Variants in SPON1 observed in about 807,000 individuals in gnomAD.
The protein encoded by SPON1 is spondin-1.
SPON1 carries 52 observed loss-of-function variants against 111.7 expected under a neutral mutation model. The ratio of observed to expected loss-of-function variants is 0.47; its 90% CI spans 0.37 to 0.59. The LOEUF is 0.59. SPON1 is among the 20% of genes least tolerant of loss of function. The pLI is 0.00. For synonymous variants in SPON1, 410 were observed against 395.8 expected, an observed-to-expected ratio of 1.04 and a Z score of -0.43; for missense variants, 957 against 1,068.5, an observed-to-expected ratio of 0.90 and a Z score of 1.46.
rs189824849 is a variant in SPON1 at position 14,174,821 on chromosome 11, A to C, written c.825+39253A>C. ...CTTTTAATTAAGCTGATTTTTAATC[A>C]TAGTGCTCTCTAAAAAAGAAATCCT... On this transcript the variant is annotated intron_variant, in intron 6 of 15. Coordinates refer to ENST00000576479, the MANE Select transcript of SPON1 (RefSeq NM_006108.4). 7.3e-4 allele frequency among the ~76,000 whole-genome samples: 111 copies of C among 152,248 alleles called. 1 individual carries two copies. The Middle Eastern group carries it at 0.01, about 14-fold the overall frequency.
chr11:14,256,487 G>A (rs929983730), intron 9 of SPON1, 130 bp from the exon 10 acceptor site: 2 of 605,228 alleles, frequency 3.3e-6, no homozygotes, highest in African/African-American at 1.9e-5. Flanking sequence ...GTAAATGTTG[G>A]TCCAGAACTT....
chr11:14,177,477 A>G (rs1388401368), intron 6 of SPON1, among the ~76,000 whole-genome samples: 1 of 152,136 alleles, frequency 6.6e-6, no homozygotes, highest in Non-Finnish European at 1.5e-5. Flanking sequence ...CACAAGATCA[A>G]TGAGCCAGTT....
intron 6 of SPON1, among the ~76,000 whole-genome samples, chr11:14,179,796 T>TAA (rs576906977): frequency 2.0e-5 from 3 of 148,608 alleles, no homozygotes; most frequent in African/African-American, 7.4e-5. Context: ...CAGTAGCACT[T>TAA]AAAAAAAAAA....
chr11:14,200,224 C>T (rs1848447349), intron 6 of SPON1, among the ~76,000 whole-genome samples: 1 of 152,098 alleles, frequency 6.6e-6, no homozygotes, highest in Non-Finnish European at 1.5e-5. Context: ...TATAGCTTGT[C>T]TTGTGTGCTA....
rs187759210 is a variant in SPON1, at chr11:14,188,592, C to T, written c.825+53024C>T. Among the ~76,000 whole-genome samples the T allele has an allele frequency of 3.3e-3, 499 of 152,238 alleles. 1 individual carries two copies. Among genetic ancestry groups the T allele is most frequent in the African/African-American group, 0.011 (466 of 41,556 alleles). On this transcript the variant is annotated intron_variant, in intron 6 of 15. Coordinates refer to ENST00000576479, the MANE Select transcript of SPON1 (RefSeq NM_006108.4). ...AATAAGCTCATAGCTTCATAACTCT[C>T]GGGGACCCAGGATGTATCTCAGGTG...
rs571993187 is a variant in SPON1, at chr11:14,142,726, A to G, written c.825+7158A>G. ...GGGCAGAAATGTGGCTCCCAACCTA[A>G]GGAGAGAGGTGGTTTAGTGAAGTCT... On this transcript the variant is annotated intron_variant, in intron 6 of 15. Coordinates refer to ENST00000576479, the MANE Select transcript of SPON1 (RefSeq NM_006108.4). Among the ~76,000 whole-genome samples the G allele has an allele frequency of 1.3e-5, 2 of 152,342 alleles. 1 individual carries two copies. Among genetic ancestry groups the G allele is most frequent in the South Asian group, 4.1e-4 (2 of 4,826 alleles).
intron 10 of SPON1, among the ~76,000 whole-genome samples, chr11:14,257,391 C>T (rs782216838): frequency 1.8e-4 from 28 of 152,116 alleles, no homozygotes; most frequent in Non-Finnish European, 3.5e-4. Context: ...AAGCCTTGAG[C>T]TTTTCAAAAT....
In SPON1 at chr11:14,005,202, T is replaced by C. The variant is rs559288362; in HGVS notation, c.345+22249T>C. ...ATTTTCTCTTCTAGGAGATTTATGA[T>C]TTCTGAGCCAGATAATTCTTTGTTG... On this transcript the variant is annotated intron_variant, in intron 2 of 15. Coordinates refer to ENST00000576479, the MANE Select transcript of SPON1 (RefSeq NM_006108.4). Among the ~76,000 whole-genome samples, 3 of 152,364 alleles carry C rather than the reference T, an allele frequency of 2.0e-5. No individual in the cohort carries two copies. In the East Asian group the frequency reaches 5.8e-4, roughly 29 times the overall value.
intron 5 of SPON1, among the ~76,000 whole-genome samples, chr11:14,122,166 AT>A (rs1165863847): frequency 1.4e-5 from 2 of 148,074 alleles, no homozygotes; most frequent in Non-Finnish European, 3.0e-5. Context: ...CTCTTAAAAT[AT>A]TTTTTTTTAT....
At chr11:14,100,057 A>G (rs1849131392) in intron 5 of SPON1, among the ~76,000 whole-genome samples, 1 of 152,158 alleles carries the variant, frequency 6.6e-6, no homozygotes, top group African/African-American at 2.4e-5. Flanking sequence ...TTACATTTCA[A>G]TATGAGATTT....
At chr11:14,154,622 C>A (rs1257846058) in intron 6 of SPON1, among the ~76,000 whole-genome samples, 1 of 152,198 alleles carries the variant, frequency 6.6e-6, no homozygotes, top group Non-Finnish European at 1.5e-5. Flanking sequence ...GCCTTACAGG[C>A]ATTTTTCCCA....
chr11:14,007,638 G>C (rs183818254), intron 2 of SPON1, among the ~76,000 whole-genome samples: 1 of 152,282 alleles, frequency 6.6e-6, no homozygotes, highest in Admixed American at 6.5e-5. Context: ...TCAATACTTT[G>C]CATCCTTCAA....
At chr11:13,978,756 A>T (rs1474729044) in intron 1 of SPON1, among the ~76,000 whole-genome samples, 1 of 152,214 alleles carries the variant, frequency 6.6e-6, no homozygotes, top group Non-Finnish European at 1.5e-5. Flanking sequence ...GAGCTTGACC[A>T]TTCCAAGTTA....
chr11:14,143,133 C>T (rs1229986791), intron 6 of SPON1, among the ~76,000 whole-genome samples: 2 of 152,210 alleles, frequency 1.3e-5, no homozygotes, highest in Non-Finnish European at 2.9e-5. Flanking sequence ...AGGTTGATCA[C>T]TGGATAGCCT....
chr11:14,144,983 T>TTCCATGTA lies in SPON1; in HGVS notation c.825+9416_825+9423dup, dbSNP rs199597991. Among the ~76,000 whole-genome samples the TTCCATGTA allele has an allele frequency of 8.3e-3, 1,261 of 152,274 alleles. 7 individuals are homozygous for TTCCATGTA. The highest frequency in any genetic ancestry group is 0.024 in the Middle Eastern group (7 of 294). ...CTCCCCTACCTCATTCAAGGCTTAA[T>TTCCATGTA]TCCATGTAGTATGGGTAAGTGGGCA... On this transcript the variant is annotated intron_variant, in intron 6 of 15. Transcript: ENST00000576479.
chr11:14,256,472 A>T (rs1286297644), intron 9 of SPON1, 145 bp from the exon 10 acceptor site: 2 of 558,264 alleles, frequency 3.6e-6, no homozygotes, highest in East Asian at 3.0e-5. Flanking sequence ...TTTCTCAGGC[A>T]GATTGTAAAT....
At chr11:14,001,539 G>C (rs2082035307) in intron 2 of SPON1, among the ~76,000 whole-genome samples, 1 of 152,156 alleles carries the variant, frequency 6.6e-6, no homozygotes, top group African/African-American at 2.4e-5. Flanking sequence ...GTAAAAAAAG[G>C]CTAAGAAACT....
intron 3 of SPON1, among the ~76,000 whole-genome samples, chr11:14,073,577 T>A (rs1848894153): frequency 6.6e-6 from 1 of 152,198 alleles, no homozygotes; most frequent in Non-Finnish European, 1.5e-5. Flanking sequence ...CCTAGTTTGC[T>A]CTTTCAAACC....
intron 6 of SPON1, among the ~76,000 whole-genome samples, chr11:14,232,907 A>G (rs1848818605): frequency 6.6e-6 from 1 of 152,120 alleles, no homozygotes; most frequent in South Asian, 2.1e-4. Context: ...GGGGGGCAGT[A>G]GGGCAGCAGT....
Sources: allele counts gnomAD v4.1 joint callset (sites outside exome capture counted in the v4.1 genomes callset), GRCh38; gene constraint gnomAD v4.1.1; transcripts MANE v1.5; gene names NCBI Gene and HGNC (gene_info 2026-07-23, HGNC 2026-07-21).